Variants in GALP observed in about 807,000 individuals in gnomAD.
GALP encodes galanin like peptide, also known as galanin-like peptide.
In GALP, 12 loss-of-function variants were observed where a neutral mutation model predicts 15.2. The observed-to-expected ratio is 0.79, with a 90% CI of 0.51 to 1.28. The LOEUF (loss-of-function observed/expected upper bound fraction) is 1.28, where lower values mean the gene tolerates loss of function less well. GALP is among the 50% of genes most tolerant of loss of function. GALP has a pLI of 0.00. For missense variants in GALP, 161 were observed against 145.6 expected (o/e 1.11, Z -0.55); for synonymous variants, 58 against 55.1 (o/e 1.05, Z -0.23).
At chr19:56,178,523 A>AC (rs1555785960) in intron 2 of GALP, among the ~76,000 whole-genome samples, 24 of 110,176 alleles carry the variant, frequency 2.2e-4, no homozygotes, top group African/African-American at 6.2e-4. Context: ...AACAACAACA[A>AC]AAAAAAAAAA....
intron 3 of GALP, 127 bp downstream of exon 3, chr19:56,180,761 C>G: frequency 1.3e-6 from 1 of 753,600 alleles, no homozygotes; most frequent in Non-Finnish European, 2.3e-6. Context: ...ATTTGCAGAT[C>G]TGTCTGGAGG....
chr19:56,180,995 G>C (rs2032558467), intron 3 of GALP, among the ~76,000 whole-genome samples: 1 of 139,642 alleles, frequency 7.2e-6, no homozygotes, highest in Admixed American at 8.0e-5. Context: ...TGCGATCTCA[G>C]CTCACTGCAA....
intron 2 of GALP, among the ~76,000 whole-genome samples, chr19:56,178,521 C>CAAAAAAA (rs80223966): frequency 0.048 from 4,080 of 85,414 alleles, 288 homozygotes; most frequent in African/African-American, 0.13. Flanking sequence ...ACAACAACAA[C>CAAAAAAA]AAAAAAAAAA....
At chr19:56,182,475 T>C (rs988487047) in intron 4 of GALP, among the ~76,000 whole-genome samples, 2 of 152,186 alleles carry the variant, frequency 1.3e-5, no homozygotes, top group African/African-American at 4.8e-5. Flanking sequence ...CGAATCCTGT[T>C]TGAACCATGG....
At chr19:56,177,227 A>G in intron 2 of GALP, 32 bp downstream of exon 2, 2 of 1,556,124 alleles carry the variant, frequency 1.3e-6, no homozygotes, top group Admixed American at 1.7e-5. Flanking sequence ...CGGAAACAAC[A>G]GTGTCCCCAA....
intron 4 of GALP, among the ~76,000 whole-genome samples, chr19:56,182,796 G>C (rs1230173029): frequency 1.3e-5 from 2 of 152,206 alleles, no homozygotes; most frequent in African/African-American, 2.4e-5. Flanking sequence ...GACCTCAGGA[G>C]ATCTGCCCCC....
chr19:56,180,552 CTGCTTGAGTCTTGAT>C lies in GALP; in HGVS notation c.88-32_88-18del, dbSNP rs1425853798. On this transcript the variant is annotated intron_variant, in intron 2 of 5. Transcript: ENST00000357330. ...GTGGGACGCCTGCCCCGCTTTCTGT[CTGCTTGAGTCTTGAT>C]TTCTGCATCTCTATCCAGGGACGAG... The C allele has an allele frequency of 1.2e-6, 2 of 1,602,360 alleles. No individual in the cohort carries two copies. The highest frequency in any genetic ancestry group is 2.7e-5 in the African/African-American group (2 of 74,646).
At chr19:56,182,279 T>C in intron 4 of GALP, 27 bp downstream of exon 4, 2 of 1,543,550 alleles carry the variant, frequency 1.3e-6, no homozygotes, top group Non-Finnish European at 1.8e-6. Context: ...TTAGACGTCT[T>C]CTCCTGCGTC....
chr19:56,182,633 T>C (rs2032586068), intron 4 of GALP, among the ~76,000 whole-genome samples: 1 of 152,100 alleles, frequency 6.6e-6, no homozygotes, highest in Non-Finnish European at 1.5e-5. Flanking sequence ...AGAAATGGAA[T>C]GGTTTGGCTG....
At chr19:56,184,256 C>T (rs2032617072) in intron 5 of GALP, among the ~76,000 whole-genome samples, 2 of 152,078 alleles carry the variant, frequency 1.3e-5, no homozygotes, top group Admixed American at 6.6e-5. Flanking sequence ...ACGCCAGGGA[C>T]CGTTGTATTG....
At chr19:56,178,745 C>T (rs2032511053) in intron 2 of GALP, among the ~76,000 whole-genome samples, 2 of 152,104 alleles carry the variant, frequency 1.3e-5, no homozygotes, top group South Asian at 2.1e-4. Context: ...CAGCGCTTGG[C>T]GTTGTGTGAA....
chr19:56,179,584 TTC>T (rs1261497133), intron 2 of GALP, among the ~76,000 whole-genome samples: 1 of 151,746 alleles, frequency 6.6e-6, no homozygotes, highest in Non-Finnish European at 1.5e-5. Flanking sequence ...AAGAGCCTCT[TTC>T]TAATGAAGCT....
chr19:56,177,510 CAA>C (rs35564874), intron 2 of GALP, among the ~76,000 whole-genome samples: 11 of 73,724 alleles, frequency 1.5e-4, no homozygotes, highest in Admixed American at 2.8e-4. Context: ...GACTCCATCT[CAA>C]AAAAAAAAAA....
At chr19:56,181,840 C>A (rs1299035635) in intron 3 of GALP, among the ~76,000 whole-genome samples, 1 of 152,100 alleles carries the variant, frequency 6.6e-6, no homozygotes, top group South Asian at 2.1e-4. Flanking sequence ...TCCCGTGGTG[C>A]TCAAGGTTGG....
intron 4 of GALP, 71 bp downstream of exon 4, chr19:56,182,323 T>G: frequency 1.8e-6 from 2 of 1,124,008 alleles, no homozygotes; most frequent in Non-Finnish European, 2.7e-6. Context: ...CTTTGGAAAC[T>G]GGTAGATGTG....
chr19:56,182,898 T>A (rs962741802), intron 4 of GALP, among the ~76,000 whole-genome samples: 2 of 152,020 alleles, frequency 1.3e-5, no homozygotes, highest in African/African-American at 4.8e-5. Flanking sequence ...CATGTGCAGG[T>A]TTGTTATATA....
Position 56,176,509 on chromosome 19 carries a change from G to A in GALP, c.-40+447G>A, listed in dbSNP as rs12985712. On this transcript the variant is annotated intron_variant, in intron 1 of 5. Coordinates refer to ENST00000357330, the MANE Select transcript of GALP (RefSeq NM_033106.4). ...GCAGAGGGGCGGATCCCAGCTGCACGGGGGTGAGAGCCTAGGCCAGGAGGG... is the reference window on the plus strand; with the variant it reads ...GCAGAGGGGCGGATCCCAGCTGCACAGGGGTGAGAGCCTAGGCCAGGAGGG... 2.4e-3 allele frequency among the ~76,000 whole-genome samples: 80 copies of A among 33,672 alleles called. 9 individuals carry two copies. The highest frequency in any genetic ancestry group is 3.7e-3 in the South Asian group (4 of 1,082). 22.1% of individuals were successfully genotyped at this position (33,672 alleles called of 152,430 possible). A position where few individuals can be genotyped will look rare whatever the true frequency, so the allele number is the denominator to read the frequency against.
At chr19:56,181,395 CTTTTTTTTTTTT>C (rs10656072) in intron 3 of GALP, among the ~76,000 whole-genome samples, 14 of 81,314 alleles carry the variant, frequency 1.7e-4, no homozygotes, top group Non-Finnish European at 2.5e-4. Flanking sequence ...TCTCTCTCTC[CTTTTTTTTTTTT>C]TTTTTTTTTT....
chr19:56,183,248 G>C (rs1331967319), intron 5 of GALP, 36 bp downstream of exon 5: 9 of 1,510,920 alleles, frequency 6.0e-6, no homozygotes, highest in Non-Finnish European at 8.3e-6. Context: ...GACACCGACA[G>C]GAGAGGGGGA....
Sources: gnomAD v4.1 joint callset for allele counts (sites outside exome capture counted in the v4.1 genomes callset) on GRCh38, gnomAD v4.1.1 for gene constraint, MANE v1.5 for transcripts, NCBI Gene and HGNC (gene_info 2026-07-23, HGNC 2026-07-21) for gene names.